Variants in EIPR1 observed in about 807,000 individuals in gnomAD.
EIPR1 encodes EARP and GARP complex-interacting protein 1.
A neutral mutation model predicts 48.1 loss-of-function variants in EIPR1; 25 were observed. The ratio of observed to expected loss-of-function variants is 0.52; its 90% CI spans 0.38 to 0.73. The LOEUF (loss-of-function observed/expected upper bound fraction) is 0.73, where lower values mean the gene tolerates loss of function less well. Ranked by LOEUF, EIPR1 falls within the 30% of genes least tolerant of loss-of-function variation. The probability of loss-of-function intolerance (pLI) is 0.00; values close to 1 mark genes in which losing one functional copy is unlikely to be tolerated. For missense variants in EIPR1, 415 were observed against 506.2 expected (o/e 0.82, Z 1.73); for synonymous variants, 204 against 201.9 (o/e 1.01, Z -0.09).
intron 3 of EIPR1, among the ~76,000 whole-genome samples, chr2:3,310,856 A>T (rs1669109208): frequency 6.6e-6 from 1 of 152,068 alleles, no homozygotes; most frequent in Non-Finnish European, 1.5e-5. Flanking sequence ...ATATTTTATG[A>T]TTCCCCCAAA....
Position 3,283,966 on chromosome 2 carries a change from G to A in EIPR1, c.260-26511C>T, listed in dbSNP as rs147080920. On this transcript the variant is annotated intron_variant, in intron 3 of 8. Transcript: ENST00000382125. The stretch of plus-strand genomic sequence containing the variant: ...ATCTAAAAAAAAAAAAAAAAAAAAA[G>A]AAAGAAAGAAAAAAAGAAAAGGGAA... 6.9e-3 allele frequency among the ~76,000 whole-genome samples: 966 copies of A among 140,434 alleles called. 8 individuals are homozygous for A. The highest frequency in any genetic ancestry group is 0.022 in the African/African-American group (837 of 38,690). The allele number at this position is 140,434 out of a possible 152,430, so 92.1% of individuals were successfully genotyped here. A position where few individuals can be genotyped will look rare whatever the true frequency, so the allele number is the denominator to read the frequency against.
intron 4 of EIPR1, among the ~76,000 whole-genome samples, chr2:3,232,475 A>G (rs1666272564): frequency 6.6e-6 from 1 of 152,132 alleles, no homozygotes; most frequent in African/African-American, 2.4e-5. Flanking sequence ...CTTTTGCTGC[A>G]TCCCATCATT....
intron 4 of EIPR1, among the ~76,000 whole-genome samples, chr2:3,219,656 T>A (rs978272956): frequency 2.2e-4 from 23 of 106,046 alleles, no homozygotes; most frequent in African/African-American, 8.2e-4. Context: ...CCTGGTATAT[T>A]CTAGAGCATT....
rs562149246 is a variant in EIPR1, at chr2:3,257,809, C to T, written c.260-354G>A. On this transcript the variant is annotated intron_variant, in intron 3 of 8. Transcript: ENST00000382125. Reference sequence around the variant, plus strand: ...GGACTAAAGATATAATCACCACGCACGCAGCTGGTGTCTAAGGTTGGCATT... The same window carrying T: ...GGACTAAAGATATAATCACCACGCATGCAGCTGGTGTCTAAGGTTGGCATT... Among the ~76,000 whole-genome samples the T allele has an allele frequency of 8.5e-5, 13 of 152,332 alleles. No individual in the cohort carries two copies. In the South Asian group the frequency reaches 1.2e-3, roughly 15 times the overall value.
At chr2:3,225,222 A>ATATGTGTGTG (rs1205379602) in intron 4 of EIPR1, among the ~76,000 whole-genome samples, 2 of 136,928 alleles carry the variant, frequency 1.5e-5, no homozygotes, top group African/African-American at 5.5e-5. Flanking sequence ...ACACTGTGAT[A>ATATGTGTGTG]TGTGTGTGTG....
intron 5 of EIPR1, among the ~76,000 whole-genome samples, chr2:3,210,679 G>T: frequency 6.8e-6 from 1 of 147,094 alleles, no homozygotes; most frequent in South Asian, 2.1e-4. Context: ...CGCCAGGCTG[G>T]AGTGCAGTGG....
chr2:3,355,276 C>T (rs1329774568), intron 1 of EIPR1, among the ~76,000 whole-genome samples: 1 of 152,140 alleles, frequency 6.6e-6, no homozygotes, highest in Non-Finnish European at 1.5e-5. Context: ...AGCACAGGGC[C>T]CACCTGGGAG....
intron 1 of EIPR1, among the ~76,000 whole-genome samples, chr2:3,374,548 C>T (rs973199793): frequency 6.6e-6 from 1 of 152,150 alleles, no homozygotes; most frequent in Admixed American, 6.5e-5. Context: ...AAACAAAAAA[C>T]CCCATCAAAA....
intron 4 of EIPR1, among the ~76,000 whole-genome samples, chr2:3,248,113 G>T (rs751205982): frequency 6.6e-6 from 1 of 152,130 alleles, no homozygotes; most frequent in South Asian, 2.1e-4. Context: ...GGTGGTGAGT[G>T]AGTTCTCGCT....
intron 3 of EIPR1, among the ~76,000 whole-genome samples, chr2:3,287,981 G>A (rs1041792325): frequency 1.3e-5 from 2 of 152,234 alleles, no homozygotes; most frequent in Non-Finnish European, 1.5e-5. Flanking sequence ...GCACTAAGGG[G>A]TAATTGCCAT....
At chr2:3,204,328 C>A (rs1241103286) in intron 5 of EIPR1, among the ~76,000 whole-genome samples, 1 of 152,228 alleles carries the variant, frequency 6.6e-6, no homozygotes, top group East Asian at 1.9e-4. Context: ...TTCACACTCA[C>A]AGGTGCAGAG....
At chr2:3,297,038 T>TTAACATGA (rs56160178) in intron 3 of EIPR1, among the ~76,000 whole-genome samples, 1 of 151,704 alleles carries the variant, frequency 6.6e-6, no homozygotes, top group Non-Finnish European at 1.5e-5. Context: ...GTGGTGGCAG[T>TTAACATGA]TTCTCTCTGT....
At chr2:3,324,736 T>TC (rs1244849106) in intron 3 of EIPR1, among the ~76,000 whole-genome samples, 1 of 152,156 alleles carries the variant, frequency 6.6e-6, no homozygotes, top group African/African-American at 2.4e-5. Flanking sequence ...CGCTGGAAGA[T>TC]CCCCAGGATC....
At chr2:3,346,280 C>G (rs1670399808) in intron 2 of EIPR1, among the ~76,000 whole-genome samples, 1 of 152,230 alleles carries the variant, frequency 6.6e-6, no homozygotes, top group Admixed American at 6.5e-5. Context: ...ACCAGGGAAT[C>G]TGATGGAATT....
chr2:3,323,225 T>C (rs1669589167), intron 3 of EIPR1, among the ~76,000 whole-genome samples: 1 of 151,978 alleles, frequency 6.6e-6, no homozygotes, highest in South Asian at 2.1e-4. Flanking sequence ...GACCAGAAAT[T>C]AAAGGTTTTA....
At chr2:3,373,877 A>G (rs1252152757) in intron 1 of EIPR1, among the ~76,000 whole-genome samples, 107 of 152,032 alleles carry the variant, frequency 7.0e-4, no homozygotes, top group African/African-American at 2.5e-3. Context: ...AGAAAAAACT[A>G]CTTTAAAGTT....
At chr2:3,246,841 AAGGGAGGGAAGGAGGAAGGGAGGGAAGG>A (rs1666821556) in intron 4 of EIPR1, among the ~76,000 whole-genome samples, 1 of 10,838 alleles carries the variant, frequency 9.2e-5, no homozygotes. Flanking sequence ...GGGAAGGAGG[AAGGGAGGGAAGGAGGAAGGGAGGGAAGG>A]AGGGAGGGAG....
chr2:3,325,428 C>T (rs1354782000), intron 3 of EIPR1, among the ~76,000 whole-genome samples: 1 of 152,188 alleles, frequency 6.6e-6, no homozygotes, highest in Non-Finnish European at 1.5e-5. Flanking sequence ...TTGGATTTGG[C>T]AAAGGAAAGT....
At chr2:3,198,696 CGTAA>C (rs1034971788) in intron 5 of EIPR1, among the ~76,000 whole-genome samples, 1 of 152,186 alleles carries the variant, frequency 6.6e-6, no homozygotes, top group Admixed American at 6.5e-5. Flanking sequence ...CCCCGTGAGC[CGTAA>C]AACCAGCAAG....
Sources: gnomAD v4.1 joint callset for allele counts (sites outside exome capture counted in the v4.1 genomes callset) on GRCh38, gnomAD v4.1.1 for gene constraint, MANE v1.5 for transcripts, NCBI Gene and HGNC (gene_info 2026-07-23, HGNC 2026-07-21) for gene names.